The following AMPH variants were observed in gnomAD, a reference collection of about 807,000 sequenced individuals.
The protein encoded by AMPH is amphiphysin (Stiff-Mann syndrome with breast cancer 128kD autoantigen).
In AMPH, 49 loss-of-function variants were observed where a neutral mutation model predicts 99.1. The ratio of observed to expected loss-of-function variants is 0.49; its 90% CI spans 0.39 to 0.63. The LOEUF is 0.63. AMPH is among the 20% of genes least tolerant of loss of function. AMPH has a pLI of 0.00. For synonymous variants in AMPH, 314 were observed against 317.3 expected, an observed-to-expected ratio of 0.99 and a Z score of 0.11; for missense variants, 759 against 863.4, an observed-to-expected ratio of 0.88 and a Z score of 1.52.
At chr7:38,584,339 G>C (rs1030247726) in intron 1 of AMPH, among the ~76,000 whole-genome samples, 2 of 152,158 alleles carry the variant, frequency 1.3e-5, no homozygotes, top group Admixed American at 6.5e-5. Context: ...AGGAGCCCTG[G>C]TAGTAGGAAG....
intron 15 of AMPH, 86 bp from the exon 16 acceptor site, chr7:38,422,563 T>C: frequency 1.9e-6 from 1 of 525,788 alleles, no homozygotes; most frequent in Non-Finnish European, 3.3e-6. Context: ...CGTATCTATC[T>C]ATCTATCTAT....
intron 1 of AMPH, among the ~76,000 whole-genome samples, chr7:38,610,373 G>GAAA (rs1451844437): frequency 2.3e-5 from 1 of 44,250 alleles, no homozygotes; most frequent in African/African-American, 1.2e-4. Context: ...GAAAAGAAAA[G>GAAA]AAAGGAAAGG....
chr7:38,463,062 A>G lies in AMPH; in HGVS notation c.801T>C (p.Pro267=). 6.2e-7 allele frequency: 1 copy of G among 1,612,296 alleles called. No homozygotes were observed. Among genetic ancestry groups the G allele is most frequent in the Non-Finnish European group, 8.5e-7 (1 of 1,179,100 alleles). Residue 267 remains proline, a synonymous_variant, in exon 10 of 21, where the codon CCT becomes CCC. Transcript: ENST00000356264. ...TTGCTGTCGGGCTCGGGAGGGGTGA[A>G]GGCTCCTCAGGCGGTGATGGTGTCT... The part of the protein sequence containing the change: ...IAKTPSPPEE[P]SPLPSPTASP...
chr7:38,559,204 C>A (rs1382288220), intron 1 of AMPH, among the ~76,000 whole-genome samples: 2 of 152,238 alleles, frequency 1.3e-5, no homozygotes, highest in African/African-American at 4.8e-5. Context: ...AGGCCCACTA[C>A]TGAAATCACA....
At chr7:38,441,826 CATATATATCATATATCATATA>C (rs1786550570) in intron 11 of AMPH, among the ~76,000 whole-genome samples, 1 of 96,934 alleles carries the variant, frequency 1.0e-5, no homozygotes, top group Admixed American at 1.4e-4. Context: ...TATCATATAT[CATATATATCATATATCATATA>C]TATCATATAT....
intron 1 of AMPH, among the ~76,000 whole-genome samples, chr7:38,541,834 C>T (rs1171332308): frequency 2.0e-5 from 3 of 152,136 alleles, no homozygotes; most frequent in Admixed American, 6.5e-5. Flanking sequence ...ACAGAGGCAA[C>T]TGCGAATTAG....
chr7:38,399,425 C>T (rs182960478), intron 17 of AMPH, among the ~76,000 whole-genome samples: 188 of 152,204 alleles, frequency 1.2e-3, no homozygotes, highest in African/African-American at 3.9e-3. Flanking sequence ...ATTTACTGAC[C>T]GCAAGAATAG....
At chr7:38,476,458 C>T (rs1788089083) in intron 6 of AMPH, among the ~76,000 whole-genome samples, 1 of 152,090 alleles carries the variant, frequency 6.6e-6, no homozygotes, top group Admixed American at 6.5e-5. Flanking sequence ...TGTTTTCTAA[C>T]AGAAAATTTG....
chr7:38,527,720 G>A (rs1203582492), intron 2 of AMPH, among the ~76,000 whole-genome samples: 2 of 152,118 alleles, frequency 1.3e-5, no homozygotes, highest in African/African-American at 4.8e-5. Context: ...TGAGCTATAC[G>A]CCTTTTGTTT....
At chr7:38,448,936 G>T (rs1257324777) in intron 11 of AMPH, among the ~76,000 whole-genome samples, 3 of 152,130 alleles carry the variant, frequency 2.0e-5, no homozygotes, top group African/African-American at 7.2e-5. Context: ...ATCATTCCTA[G>T]TGTAGCACGT....
intron 11 of AMPH, among the ~76,000 whole-genome samples, chr7:38,437,757 T>C (rs1454697730): frequency 1.3e-5 from 2 of 151,694 alleles, no homozygotes; most frequent in Non-Finnish European, 2.9e-5. Flanking sequence ...TGAGCTGAGA[T>C]CATGCCACTG....
At chr7:38,458,517 C>T (rs1787316996) in intron 11 of AMPH, among the ~76,000 whole-genome samples, 1 of 152,140 alleles carries the variant, frequency 6.6e-6, no homozygotes, top group South Asian at 2.1e-4. Flanking sequence ...ACACCACGAC[C>T]AAGTGGGATT....
intron 1 of AMPH, among the ~76,000 whole-genome samples, chr7:38,608,204 A>T (rs1793501749): frequency 6.6e-6 from 1 of 152,100 alleles, no homozygotes; most frequent in Non-Finnish European, 1.5e-5. Flanking sequence ...TGCTGTGCAT[A>T]AGACACAGCC....
chr7:38,602,458 T>C (rs1562855208), intron 1 of AMPH, among the ~76,000 whole-genome samples: 1 of 152,176 alleles, frequency 6.6e-6, no homozygotes, highest in Non-Finnish European at 1.5e-5. Context: ...CATCCTTCCA[T>C]TGCCTTTTCT....
intron 2 of AMPH, 28 bp downstream of exon 2, chr7:38,534,903 A>G: frequency 6.3e-7 from 1 of 1,588,648 alleles, no homozygotes; most frequent in Non-Finnish European, 8.6e-7. Context: ...ACAATTTCCC[A>G]CTCCAGAAAC....
chr7:38,442,295 G>T (rs1350667352), intron 11 of AMPH, among the ~76,000 whole-genome samples: 1 of 152,110 alleles, frequency 6.6e-6, no homozygotes, highest in Non-Finnish European at 1.5e-5. Flanking sequence ...GCATGAAGGT[G>T]GCTGCCATAT....
At chr7:38,542,848 C>T (rs562272161) in intron 1 of AMPH, among the ~76,000 whole-genome samples, 1 of 152,268 alleles carries the variant, frequency 6.6e-6, no homozygotes, top group Non-Finnish European at 1.5e-5. Context: ...GTAATCCCAG[C>T]ACTTTGGGAG....
At chr7:38,484,061 T>C (rs190153848) in intron 5 of AMPH, among the ~76,000 whole-genome samples, 110 of 152,202 alleles carry the variant, frequency 7.2e-4, no homozygotes, top group African/African-American at 2.6e-3. Flanking sequence ...AAGAATCATT[T>C]GGTCAGAGGA....
intron 1 of AMPH, among the ~76,000 whole-genome samples, chr7:38,611,308 G>A (rs961764294): frequency 3.3e-5 from 5 of 152,180 alleles, no homozygotes; most frequent in Non-Finnish European, 7.4e-5. Flanking sequence ...GAGATGCAAG[G>A]GGGGAAATGG....
Sources: gnomAD v4.1 joint callset for allele counts (sites outside exome capture counted in the v4.1 genomes callset) on GRCh38, gnomAD v4.1.1 for gene constraint, MANE v1.5 for transcripts, NCBI Gene and HGNC (gene_info 2026-07-23, HGNC 2026-07-21) for gene names.